NTRK2: variants seen among roughly 807,000 people sequenced by gnomAD.
NTRK2 encodes the protein BDNF/NT-3 growth factors receptor.
A neutral mutation model predicts 94.5 loss-of-function variants in NTRK2; 13 were observed. The ratio of observed to expected loss-of-function variants is 0.14; its 90% CI spans 0.09 to 0.22. NTRK2 has a LOEUF of 0.22. Ranked by LOEUF, NTRK2 falls within the 10% of genes least tolerant of loss-of-function variation. The pLI is 1.00. For synonymous variants in NTRK2, 372 were observed against 407.4 expected (o/e 0.91, Z 1.05); for missense variants, 639 against 1,071.2 (o/e 0.60, Z 5.63).
At chr9:84,806,675 G>A (rs1252434031) in intron 12 of NTRK2, among the ~76,000 whole-genome samples, 3 of 152,258 alleles carry the variant, frequency 2.0e-5, no homozygotes, top group South Asian at 2.1e-4. Context: ...TAGAAAAAGC[G>A]ACAACAGCAA....
At chr9:84,940,675 A>G (rs1047493112) in intron 15 of NTRK2, among the ~76,000 whole-genome samples, 1 of 152,104 alleles carries the variant, frequency 6.6e-6, no homozygotes, top group Non-Finnish European at 1.5e-5. Flanking sequence ...CTCAGAATCT[A>G]TACAAGAGCA....
At chr9:84,749,425 T>A (rs1221572868) in intron 11 of NTRK2, among the ~76,000 whole-genome samples, 2 of 152,192 alleles carry the variant, frequency 1.3e-5, no homozygotes, top group Non-Finnish European at 2.9e-5. Flanking sequence ...CCTGGGAGAA[T>A]TAGCCATATG....
intron 12 of NTRK2, chr9:84,815,167 C>G (rs1270470264): frequency 9.5e-7 from 1 of 1,057,436 alleles, no homozygotes; most frequent in Non-Finnish European, 1.1e-6. Flanking sequence ...ACGTCCCAGC[C>G]ACCTGATTTT....
chr9:84,765,771 T>G (rs2065971152), intron 12 of NTRK2, among the ~76,000 whole-genome samples: 1 of 152,104 alleles, frequency 6.6e-6, no homozygotes, highest in Non-Finnish European at 1.5e-5. Flanking sequence ...TTTTAGGAGG[T>G]GCTCAGGGAC....
intron 12 of NTRK2, among the ~76,000 whole-genome samples, chr9:84,784,838 A>C (rs781216255): frequency 6.6e-6 from 1 of 151,916 alleles, no homozygotes; most frequent in Non-Finnish European, 1.5e-5. Flanking sequence ...AATACTAGAA[A>C]ACCATCCATC....
chr9:84,897,521 G>A (rs973356621), intron 14 of NTRK2, among the ~76,000 whole-genome samples: 19 of 152,264 alleles, frequency 1.2e-4, no homozygotes, highest in African/African-American at 3.6e-4. Context: ...GCCATAGTTC[G>A]GACTCCTGCT....
intron 15 of NTRK2, among the ~76,000 whole-genome samples, chr9:84,934,515 G>T (rs977235014): frequency 5.9e-5 from 9 of 152,218 alleles, no homozygotes; most frequent in Non-Finnish European, 1.0e-4. Flanking sequence ...TCTGCAGGCT[G>T]TGAAGAGCTC....
intron 11 of NTRK2, among the ~76,000 whole-genome samples, chr9:84,747,773 A>C (rs1389679137): frequency 6.6e-6 from 1 of 152,028 alleles, no homozygotes; most frequent in African/African-American, 2.4e-5. Context: ...GAGCCACCGC[A>C]CCTGGCCTTC....
At chr9:84,873,061 A>G (rs202139168) in intron 14 of NTRK2, 8 of 1,063,914 alleles carry the variant, frequency 7.5e-6, no homozygotes, top group Non-Finnish European at 9.1e-6. Context: ...CATTAGATCA[A>G]AGAGTGCGGG....
chr9:84,995,412 G>C (rs1829630426), intron 17 of NTRK2, among the ~76,000 whole-genome samples: 1 of 152,088 alleles, frequency 6.6e-6, no homozygotes, highest in South Asian at 2.1e-4. Context: ...GGCATGGAGT[G>C]GAATGCAAGT....
intron 14 of NTRK2, among the ~76,000 whole-genome samples, chr9:84,915,417 G>A (rs2077366231): frequency 6.6e-6 from 1 of 152,130 alleles, no homozygotes; most frequent in Non-Finnish European, 1.5e-5. Flanking sequence ...TTTAGTTCTT[G>A]AGAGCCCTGG....
intron 14 of NTRK2, among the ~76,000 whole-genome samples, chr9:84,901,796 A>G (rs1369808787): frequency 2.6e-5 from 4 of 152,196 alleles, no homozygotes; most frequent in African/African-American, 7.2e-5. Flanking sequence ...TGTCTAGACC[A>G]TAATTCCCTC....
intron 12 of NTRK2, among the ~76,000 whole-genome samples, chr9:84,776,426 T>C (rs1473836640): frequency 6.6e-6 from 1 of 152,208 alleles, no homozygotes; most frequent in Non-Finnish European, 1.5e-5. Context: ...TTCACCATGT[T>C]GGCCAGGCTG....
intron 12 of NTRK2, among the ~76,000 whole-genome samples, chr9:84,794,959 C>T (rs2069134548): frequency 6.6e-6 from 1 of 152,162 alleles, no homozygotes; most frequent in African/African-American, 2.4e-5. Flanking sequence ...AAACTCCTCC[C>T]TAGCCTGGGA....
At chr9:85,007,213 A>G (rs574592698) in intron 17 of NTRK2, among the ~76,000 whole-genome samples, 1 of 152,348 alleles carries the variant, frequency 6.6e-6, no homozygotes, top group South Asian at 2.1e-4. Context: ...AGAACATGGT[A>G]TTTAAGTTAA....
At chr9:84,959,569 C>T (rs1274376766) in intron 17 of NTRK2, among the ~76,000 whole-genome samples, 1 of 152,172 alleles carries the variant, frequency 6.6e-6, no homozygotes, top group African/African-American at 2.4e-5. Context: ...AGGCGTCCAC[C>T]CTGTTGCAGC....
At chr9:84,804,099 G>A (rs1292543674) in intron 12 of NTRK2, among the ~76,000 whole-genome samples, 1 of 151,914 alleles carries the variant, frequency 6.6e-6, no homozygotes, top group Non-Finnish European at 1.5e-5. Flanking sequence ...ATGAAAAAGT[G>A]TTGCTTCATG....
rs141070473 is a variant in NTRK2, at chr9:84,813,363, A to G, written c.1397-47677A>G. The stretch of plus-strand genomic sequence containing the variant: ...TCGTGTGAAATGTCCCGATTGTTAA[A>G]AAGTTGGCTCAATTATTTTTAAAAC... On this transcript the variant is annotated intron_variant, in intron 12 of 18. Coordinates refer to ENST00000277120, the MANE Select transcript of NTRK2 (RefSeq NM_006180.6). The G allele has an allele frequency of 3.1e-5, 32 of 1,045,778 alleles. No individual in the cohort carries two copies. In the East Asian group the frequency reaches 1.3e-3, roughly 42 times the overall value. The allele number at this position is 1,045,778 out of a possible 1,614,324, so 64.8% of individuals were successfully genotyped here.
chr9:84,709,847 C>T (rs1241494130), intron 5 of NTRK2, among the ~76,000 whole-genome samples: 2 of 152,124 alleles, frequency 1.3e-5, no homozygotes, highest in Non-Finnish European at 2.9e-5. Flanking sequence ...CCATTGCAGG[C>T]CACAGGAGTC....
Sources: allele counts gnomAD v4.1 joint callset (sites outside exome capture counted in the v4.1 genomes callset), GRCh38; gene constraint gnomAD v4.1.1; transcripts MANE v1.5; gene names NCBI Gene and HGNC (gene_info 2026-07-23, HGNC 2026-07-21).